The following GRM5 variants were observed in gnomAD, a reference collection of about 807,000 sequenced individuals.
GRM5 encodes glutamate metabotropic receptor 5, also known as metabotropic glutamate receptor 5.
In GRM5, 19 loss-of-function variants were observed where a neutral mutation model predicts 83.1. The observed-to-expected ratio is 0.23, with a 90% CI of 0.16 to 0.34. The LOEUF is 0.34. Ranked by LOEUF, GRM5 falls within the 10% of genes least tolerant of loss-of-function variation. The probability of loss-of-function intolerance (pLI) is 1.00; values close to 1 mark genes in which losing one functional copy is unlikely to be tolerated. For missense variants in GRM5, 1,160 were observed against 1,588.3 expected (o/e 0.73, Z 4.58); for synonymous variants, 675 against 633.6 (o/e 1.07, Z -0.98).
chr11:88,859,461 T>A, intron 2 of GRM5, among the ~76,000 whole-genome samples: 1 of 152,112 alleles, frequency 6.6e-6, no homozygotes, highest in East Asian at 1.9e-4. Flanking sequence ...AGGTTAATAA[T>A]AATATGAACA....
intron 3 of GRM5, among the ~76,000 whole-genome samples, chr11:88,756,505 T>C (rs775926703): frequency 2.0e-5 from 3 of 152,132 alleles, no homozygotes; most frequent in African/African-American, 7.2e-5. Flanking sequence ...TTATAAAAAA[T>C]ATAAAGTCGA....
chr11:88,930,828 C>T (rs1937679037), intron 2 of GRM5, among the ~76,000 whole-genome samples: 1 of 152,014 alleles, frequency 6.6e-6, no homozygotes, highest in African/African-American at 2.4e-5. Flanking sequence ...GGATTACAGG[C>T]ATGAATGAGT....
chr11:89,035,847 T>C (rs1405479284), intron 2 of GRM5, among the ~76,000 whole-genome samples: 1 of 152,058 alleles, frequency 6.6e-6, no homozygotes, highest in Admixed American at 6.6e-5. Context: ...TCTGCCTATT[T>C]CCTAGGGTCC....
chr11:89,004,332 C>T (rs1274606912), intron 2 of GRM5, among the ~76,000 whole-genome samples: 1 of 152,066 alleles, frequency 6.6e-6, no homozygotes, highest in African/African-American at 2.4e-5. Context: ...TTATTAAACA[C>T]AAATAATATT....
At chr11:89,053,458 A>G (rs1016899487) in intron 1 of GRM5, among the ~76,000 whole-genome samples, 4 of 152,210 alleles carry the variant, frequency 2.6e-5, no homozygotes, top group Admixed American at 2.0e-4. Context: ...ATAAATTCCA[A>G]ATAGACCTGA....
intron 3 of GRM5, among the ~76,000 whole-genome samples, chr11:88,740,129 A>G (rs542909084): frequency 6.6e-6 from 1 of 152,066 alleles, no homozygotes; most frequent in African/African-American, 2.4e-5. Flanking sequence ...GGCTAAGTAC[A>G]TTGTAGAATA....
chr11:88,890,158 C>T (rs2135583869), intron 2 of GRM5, among the ~76,000 whole-genome samples: 1 of 151,514 alleles, frequency 6.6e-6, no homozygotes, highest in South Asian at 2.1e-4. Flanking sequence ...AGAGATGATA[C>T]TCCCATGGGG....
At chr11:88,792,374 T>G (rs1254576912) in intron 3 of GRM5, among the ~76,000 whole-genome samples, 1 of 152,110 alleles carries the variant, frequency 6.6e-6, no homozygotes, top group Non-Finnish European at 1.5e-5. Flanking sequence ...AATTAGCATC[T>G]TTGGTGCCCA....
chr11:88,973,510 G>A (rs1191147100), intron 2 of GRM5, among the ~76,000 whole-genome samples: 1 of 152,044 alleles, frequency 6.6e-6, no homozygotes, highest in Non-Finnish European at 1.5e-5. Context: ...TTAAGATGGA[G>A]GCAGAAATTG....
intron 4 of GRM5, among the ~76,000 whole-genome samples, chr11:88,610,359 G>A (rs796731403): frequency 6.6e-6 from 1 of 152,226 alleles, no homozygotes; most frequent in African/African-American, 2.4e-5. Flanking sequence ...GGCATAGAAT[G>A]TTCTTCCAAT....
At chr11:88,941,660 T>C (rs1366658250) in intron 2 of GRM5, among the ~76,000 whole-genome samples, 1 of 151,948 alleles carries the variant, frequency 6.6e-6, no homozygotes, top group African/African-American at 2.4e-5. Flanking sequence ...AGAACAACTA[T>C]AGTCAATTAT....
At chr11:88,674,678 C>T (rs1940278757) in intron 3 of GRM5, among the ~76,000 whole-genome samples, 1 of 151,834 alleles carries the variant, frequency 6.6e-6, no homozygotes, top group Non-Finnish European at 1.5e-5. Context: ...GAGACAAAGT[C>T]ATGATGATTC....
chr11:88,570,212 CTT>C (rs1565343217), intron 7 of GRM5, among the ~76,000 whole-genome samples: 2 of 152,058 alleles, frequency 1.3e-5, no homozygotes, highest in Non-Finnish European at 2.9e-5. Flanking sequence ...TCTCAGCACA[CTT>C]TGTAAAATGT....
chr11:88,522,625 G>C (rs1941733682), intron 9 of GRM5, among the ~76,000 whole-genome samples: 1 of 151,210 alleles, frequency 6.6e-6, no homozygotes. Context: ...GTGTGTGTGT[G>C]TGTGTGTGTG....
intron 2 of GRM5, among the ~76,000 whole-genome samples, chr11:88,920,244 T>C (rs1163986480): frequency 1.3e-5 from 2 of 151,992 alleles, no homozygotes; most frequent in East Asian, 3.9e-4. Flanking sequence ...CAAAGGATCA[T>C]TGTAGACTAC....
chr11:88,825,851 T>C (rs1361739319), intron 3 of GRM5, among the ~76,000 whole-genome samples: 3 of 152,200 alleles, frequency 2.0e-5, no homozygotes, highest in Admixed American at 6.6e-5. Flanking sequence ...TTCTTTAATA[T>C]TTCCATTTCT....
chr11:88,975,036 T>C (rs1484060458), intron 2 of GRM5, among the ~76,000 whole-genome samples: 1 of 152,216 alleles, frequency 6.6e-6, no homozygotes, highest in East Asian at 1.9e-4. Flanking sequence ...GTCTGATGTG[T>C]CAATGGGACA....
intron 8 of GRM5, among the ~76,000 whole-genome samples, chr11:88,559,560 G>C (rs1942706943): frequency 6.6e-6 from 1 of 152,138 alleles, no homozygotes; most frequent in Non-Finnish European, 1.5e-5. Context: ...ACATTTAAGG[G>C]GTTTAGAGCA....
At chr11:88,690,868 A>G (rs1940765043) in intron 3 of GRM5, among the ~76,000 whole-genome samples, 1 of 152,218 alleles carries the variant, frequency 6.6e-6, no homozygotes, top group African/African-American at 2.4e-5. Flanking sequence ...TTCAATTTCG[A>G]CTTCACCTCT....
Sources: gnomAD v4.1 joint callset for allele counts (sites outside exome capture counted in the v4.1 genomes callset) on GRCh38, gnomAD v4.1.1 for gene constraint, MANE v1.5 for transcripts, NCBI Gene and HGNC (gene_info 2026-07-23, HGNC 2026-07-21) for gene names.